MFN1: variants seen among roughly 807,000 people sequenced by gnomAD.
MFN1 encodes mitofusin 1, also known as mitofusin-1.
MFN1 carries 65 observed loss-of-function variants against 92.4 expected under a neutral mutation model. The ratio of observed to expected loss-of-function variants is 0.70; its 90% CI spans 0.58 to 0.86. The LOEUF (loss-of-function observed/expected upper bound fraction) is 0.86. Among genes scored for constraint, MFN1 ranks in the 40% least tolerant of loss-of-function variants. MFN1 has a pLI of 0.00. For missense variants in MFN1, 781 were observed against 868.0 expected (o/e 0.90, Z 1.26); for synonymous variants, 297 against 300.9 (o/e 0.99, Z 0.13).
rs748896950 is a variant in MFN1, at chr3:179,377,167, A to G, written c.1223A>G (p.Lys408Arg). Reference sequence around the variant, plus strand: ...GAGGTTACCGAGGAGGTGGCAAACAAAGTGGGTAACAGTAGCTTCATGATT... The same window carrying G: ...GAGGTTACCGAGGAGGTGGCAAACAGAGTGGGTAACAGTAGCTTCATGATT... ...IKEVTEEVAN[K>R]VSCAMTDEIC... The change falls in exon 11 of 18, where the codon AAA becomes AGA. Residue 408 changes from lysine (K) to arginine (R), a missense_variant and splice_region_variant. Lys to Arg is a conservative substitution (Grantham distance 26). Transcript: ENST00000471841. 6.2e-7 allele frequency: 1 copy of G among 1,613,296 alleles called. No individual in the cohort carries two copies. The highest frequency in any genetic ancestry group is 1.1e-5 in the South Asian group (1 of 90,896).
chr3:179,349,009 T>A (rs1316419563), intron 2 of MFN1, 46 bp downstream of exon 2: 7 of 1,470,726 alleles, frequency 4.8e-6, no homozygotes, highest in Non-Finnish European at 6.5e-6. Context: ...TGAAAATATA[T>A]AAAAGTGCTT....
At chr3:179,351,287 A>T (rs894598388) in intron 2 of MFN1, among the ~76,000 whole-genome samples, 1 of 152,202 alleles carries the variant, frequency 6.6e-6, no homozygotes, top group Non-Finnish European at 1.5e-5. Context: ...CCTAAACCTG[A>T]TAAGAGTGAA....
intron 14 of MFN1, among the ~76,000 whole-genome samples, chr3:179,382,120 G>T (rs113638709): frequency 6.6e-6 from 1 of 151,544 alleles, no homozygotes; most frequent in South Asian, 2.1e-4. Context: ...TGTACACAAC[G>T]TGCAGGTTTG....
chr3:179,351,966 A>G lies in MFN1; in HGVS notation c.179A>G (p.Tyr60Cys). ...TEDDLVEMQG[Y>C]KDKLSIIGEV... Reference sequence around the variant, plus strand: ...GATGATCTGGTAGAAATGCAAGGATATAAAGACAAGCTTTCCATCATTGGT... The same window carrying G: ...GATGATCTGGTAGAAATGCAAGGATGTAAAGACAAGCTTTCCATCATTGGT... The change falls in exon 3 of 18, where the codon TAT becomes TGT. Residue 60 changes from tyrosine to cysteine, a missense_variant. By Grantham distance (194) the Tyr-to-Cys change is radical. Coordinates refer to ENST00000471841, the MANE Select transcript of MFN1 (RefSeq NM_033540.3). 2.5e-6 allele frequency: 4 copies of G among 1,611,596 alleles called. No homozygotes were observed. Among genetic ancestry groups the G allele is most frequent in the Non-Finnish European group, 2.5e-6 (3 of 1,178,110 alleles).
At chr3:179,381,252 T>TA (rs1360484366) in intron 14 of MFN1, among the ~76,000 whole-genome samples, 4 of 152,178 alleles carry the variant, frequency 2.6e-5, no homozygotes, top group Non-Finnish European at 2.9e-5. Context: ...AAACCATTGT[T>TA]AAAGAGGCAA....
rs751143036 is a variant in MFN1, at chr3:179,391,962, G to A, written c.2148-19G>A. 1.3e-6 allele frequency: 2 copies of A among 1,518,876 alleles called. No homozygotes were observed. The highest frequency in any genetic ancestry group is 1.8e-6 in the Non-Finnish European group (2 of 1,097,674). 94.1% of individuals were successfully genotyped at this position (1,518,876 alleles called of 1,614,324 possible). Reference sequence around the variant, plus strand: ...TGACCTTTATAGTAATTAGATTGGTGTTTTATTTTTTTAATTAGAAATAAA... The same window carrying A: ...TGACCTTTATAGTAATTAGATTGGTATTTTATTTTTTTAATTAGAAATAAA... On this transcript the variant is annotated intron_variant, in intron 17 of 17. Transcript: ENST00000471841.
At chr3:179,348,809 T>C (rs1325611496) in intron 1 of MFN1, 36 bp from the exon 2 acceptor site, 1 of 1,599,956 alleles carries the variant, frequency 6.3e-7, no homozygotes, top group African/African-American at 1.3e-5. Context: ...TATCATCCAC[T>C]TTAGTTGGTG....
chr3:179,349,933 C>T lies in MFN1; in HGVS notation c.112+970C>T, dbSNP rs190417891. On this transcript the variant is annotated intron_variant, in intron 2 of 17. Coordinates refer to ENST00000471841, the MANE Select transcript of MFN1 (RefSeq NM_033540.3). ...TTGGGAGTCCAAGATCGGCAGATTA[C>T]CTGAGGTTAGGAGTTCAAGACCAGC... Among the ~76,000 whole-genome samples the T allele has an allele frequency of 2.0e-5, 3 of 152,178 alleles. 1 individual carries two copies. Among genetic ancestry groups the T allele is most frequent in the Admixed American group, 2.0e-4 (3 of 15,300 alleles).
intron 7 of MFN1, 107 bp downstream of exon 7, chr3:179,365,332 T>C (rs1002782673): frequency 6.2e-6 from 4 of 648,668 alleles, no homozygotes; most frequent in Non-Finnish European, 9.8e-6. Context: ...AGCTATTCCA[T>C]GAAAAGAAGA....
intron 10 of MFN1, among the ~76,000 whole-genome samples, chr3:179,375,969 G>A (rs909683595): frequency 2.0e-5 from 3 of 152,120 alleles, no homozygotes; most frequent in African/African-American, 7.2e-5. Flanking sequence ...ACACAGATCG[G>A]GATGTTATTA....
chr3:179,387,584 C>CTTTTT (rs769878779), intron 16 of MFN1, among the ~76,000 whole-genome samples: 3 of 82,284 alleles, frequency 3.6e-5, no homozygotes, highest in Non-Finnish European at 6.7e-5. Flanking sequence ...TTTGTGGTTT[C>CTTTTT]TTTTTTTTTT....
intron 13 of MFN1, 29 bp downstream of exon 13, chr3:179,378,472 T>G: frequency 6.4e-7 from 1 of 1,563,546 alleles, no homozygotes; most frequent in Non-Finnish European, 8.7e-7. Flanking sequence ...AGGTCATGTC[T>G]GGTTTGTTTT....
Position 179,365,109 on chromosome 3 carries a change from G to GT in MFN1, c.646-4dup. The GT allele has an allele frequency of 6.7e-7, 1 of 1,489,924 alleles. No homozygotes were observed. The highest frequency in any genetic ancestry group is 9.0e-7 in the Non-Finnish European group (1 of 1,115,620). 92.3% of individuals were successfully genotyped at this position (1,489,924 alleles called of 1,614,324 possible). ...GTGAATGTACTGTGGGGTTTTTTTT[G>GT]TTTTTCAGGAAAAACACTTTTTTCA... On this transcript the variant is annotated splice_polypyrimidine_tract_variant and intron_variant, in intron 6 of 17. Transcript: ENST00000471841.
intron 16 of MFN1, among the ~76,000 whole-genome samples, chr3:179,389,762 C>CTT (rs2108561773): frequency 6.6e-6 from 1 of 152,186 alleles, no homozygotes; most frequent in South Asian, 2.1e-4. Flanking sequence ...ACACACCCAT[C>CTT]TTTTGTCTTT....
intron 9 of MFN1, among the ~76,000 whole-genome samples, chr3:179,369,434 G>A (rs1203107300): frequency 1.3e-5 from 2 of 152,096 alleles, no homozygotes; most frequent in African/African-American, 4.8e-5. Context: ...TAGTATATAT[G>A]TGTTTTATGT....
chr3:179,390,660 C>G (rs745826499), intron 17 of MFN1, among the ~76,000 whole-genome samples: 11 of 152,134 alleles, frequency 7.2e-5, no homozygotes, highest in Non-Finnish European at 1.3e-4. Context: ...TGTCACCATT[C>G]GGTCTGTAGT....
At chr3:179,364,523 A>AT (rs1165553829) in intron 6 of MFN1, 118 bp downstream of exon 6, 1 of 740,296 alleles carries the variant, frequency 1.4e-6, no homozygotes, top group Non-Finnish European at 2.2e-6. Flanking sequence ...AAAAACAGGC[A>AT]TGAATGAAGG....
At chr3:179,353,892 T>C (rs116756446) in intron 3 of MFN1, among the ~76,000 whole-genome samples, 24 of 152,390 alleles carry the variant, frequency 1.6e-4, no homozygotes, top group African/African-American at 5.5e-4. Flanking sequence ...TTCTCATTCT[T>C]CATATTTCAT....
chr3:179,392,601 TC>T lies in MFN1; in HGVS notation c.*545del, dbSNP rs1349219128. On this transcript the variant is annotated 3_prime_UTR_variant, in exon 18 of 18. Transcript: ENST00000471841. The stretch of plus-strand genomic sequence containing the variant: ...TAATAAATGTGTTTTTACTTTTTAT[TC>T]CCGTTAAAACTGATGTAAAACAGGA... 1 of 152,248 alleles carries T rather than the reference TC, an allele frequency of 6.6e-6. No individual in the cohort carries two copies. The highest frequency in any genetic ancestry group is 1.5e-5 in the Non-Finnish European group (1 of 68,056). 9.4% of individuals were successfully genotyped at this position (152,248 alleles called of 1,614,324 possible).
Sources: gnomAD v4.1 joint callset for allele counts (sites outside exome capture counted in the v4.1 genomes callset) on GRCh38, gnomAD v4.1.1 for gene constraint, MANE v1.5 for transcripts, NCBI Gene and HGNC (gene_info 2026-07-23, HGNC 2026-07-21) for gene names.